KDM4C: variants seen among roughly 807,000 people sequenced by gnomAD.
KDM4C encodes the protein lysine-specific demethylase 4C.
Under a neutral mutation model 129.3 loss-of-function variants are expected in KDM4C, and 81 were observed. The observed-to-expected ratio is 0.63, with a 90% confidence interval of 0.52 to 0.75. The LOEUF (loss-of-function observed/expected upper bound fraction) is 0.75. KDM4C is among the 30% of genes least tolerant of loss of function. The pLI, the probability that KDM4C is intolerant of heterozygous loss-of-function variation, is 0.00. For missense variants in KDM4C, 1,457 were observed against 1,304.0 expected, an observed-to-expected ratio of 1.12 and a Z score of -1.81; for synonymous variants, 573 against 456.1, an observed-to-expected ratio of 1.26 and a Z score of -3.26.
chr9:7,098,680 T>A (rs2133106788), intron 17 of KDM4C, among the ~76,000 whole-genome samples: 1 of 152,334 alleles, frequency 6.6e-6, no homozygotes, highest in East Asian at 1.9e-4. Context: ...AGCCACTCTT[T>A]AGCTGACTAG....
intron 17 of KDM4C, among the ~76,000 whole-genome samples, chr9:7,064,612 G>C (rs759502184): frequency 4.6e-5 from 7 of 152,198 alleles, no homozygotes; most frequent in Non-Finnish European, 1.0e-4. Flanking sequence ...AACGTGCAAG[G>C]CTCCTCAATA....
intron 4 of KDM4C, among the ~76,000 whole-genome samples, chr9:6,846,107 C>T (rs903301516): frequency 4.6e-5 from 7 of 152,160 alleles, no homozygotes; most frequent in South Asian, 4.1e-4. Context: ...AGCAGCTTCA[C>T]GTGTTTGCTG....
At chr9:6,882,915 CA>C (rs1395834065) in intron 6 of KDM4C, among the ~76,000 whole-genome samples, 5 of 151,890 alleles carry the variant, frequency 3.3e-5, no homozygotes, top group African/African-American at 7.3e-5. Context: ...ATCCCTGTGC[CA>C]GGGGGTAGAT....
At chr9:7,101,450 C>T (rs947150257) in intron 17 of KDM4C, among the ~76,000 whole-genome samples, 6 of 152,176 alleles carry the variant, frequency 3.9e-5, no homozygotes, top group Non-Finnish European at 8.8e-5. Context: ...TTATGGGGTT[C>T]TCTGTCTCTG....
intron 15 of KDM4C, among the ~76,000 whole-genome samples, chr9:7,023,823 G>A (rs1376135083): frequency 6.6e-6 from 1 of 152,010 alleles, no homozygotes; most frequent in African/African-American, 2.4e-5. Flanking sequence ...ATTTTGGTGT[G>A]TTGTGTTTCT....
At chr9:6,979,081 A>G (rs1816299214) in intron 8 of KDM4C, among the ~76,000 whole-genome samples, 1 of 152,038 alleles carries the variant, frequency 6.6e-6, no homozygotes, top group Non-Finnish European at 1.5e-5. Flanking sequence ...ACTTTTGTTC[A>G]CTGTTTATTT....
At chr9:6,937,178 G>T (rs567723888) in intron 8 of KDM4C, among the ~76,000 whole-genome samples, 3 of 152,246 alleles carry the variant, frequency 2.0e-5, no homozygotes, top group Admixed American at 2.0e-4. Flanking sequence ...CTCCCGAAGT[G>T]CTAGGATTAC....
intron 8 of KDM4C, among the ~76,000 whole-genome samples, chr9:6,937,197 G>A (rs1381344823): frequency 2.6e-5 from 4 of 152,150 alleles, no homozygotes; most frequent in African/African-American, 9.7e-5. Context: ...ACAGGTGTGA[G>A]CCGCCTCACC....
chr9:6,745,557 A>G lies in KDM4C; in HGVS notation c.49+24560A>G, dbSNP rs564602357. Among the ~76,000 whole-genome samples the G allele has an allele frequency of 3.7e-4, 55 of 147,476 alleles. 1 individual carries two copies. The highest frequency in any genetic ancestry group is 1.3e-3 in the African/African-American group (53 of 39,532). On this transcript the variant is annotated intron_variant, in intron 1 of 17. Coordinates refer to the KDM4C transcript ENST00000536108. Reference sequence around the variant, plus strand: ...AGGAGGTGTGATGGCACCTCTGCGCAAGAGAATGTGGTCCTGTCTCCAAAA... The same window carrying G: ...AGGAGGTGTGATGGCACCTCTGCGCGAGAGAATGTGGTCCTGTCTCCAAAA...
intron 19 of KDM4C, among the ~76,000 whole-genome samples, chr9:7,146,261 A>C (rs1023508736): frequency 1.3e-5 from 2 of 152,240 alleles, no homozygotes; most frequent in Admixed American, 6.5e-5. Context: ...GAGTGTAATC[A>C]TAGGTGATTA....
intron 1 of KDM4C, among the ~76,000 whole-genome samples, chr9:6,742,011 C>T (rs1027491930): frequency 6.1e-5 from 9 of 148,694 alleles, no homozygotes; most frequent in African/African-American, 2.3e-4. Context: ...CTTGCTCTGT[C>T]ACCCAGGCTG....
chr9:7,089,699 C>T (rs1835563655), intron 17 of KDM4C, among the ~76,000 whole-genome samples: 1 of 152,130 alleles, frequency 6.6e-6, no homozygotes, highest in African/African-American at 2.4e-5. Context: ...TCCTTAAAAC[C>T]AAATTTTCCT....
At chr9:7,068,177 A>C (rs1832703571) in intron 17 of KDM4C, among the ~76,000 whole-genome samples, 3 of 152,208 alleles carry the variant, frequency 2.0e-5, no homozygotes, top group Non-Finnish European at 4.4e-5. Context: ...AGGAGTCTTT[A>C]AATAGCATAC....
intron 1 of KDM4C, among the ~76,000 whole-genome samples, chr9:6,777,524 C>T (rs866151218): frequency 6.6e-6 from 1 of 152,216 alleles, no homozygotes; most frequent in Non-Finnish European, 1.5e-5. Flanking sequence ...GAGTGTAGCT[C>T]TTTCAGTAGT....
chr9:6,905,384 C>G (rs909145274), intron 8 of KDM4C, among the ~76,000 whole-genome samples: 1 of 152,062 alleles, frequency 6.6e-6, no homozygotes, highest in Non-Finnish European at 1.5e-5. Flanking sequence ...GTTGATTGTC[C>G]TGAAATGTCT....
At chr9:7,065,448 T>G (rs1021469693) in intron 17 of KDM4C, among the ~76,000 whole-genome samples, 1 of 152,180 alleles carries the variant, frequency 6.6e-6, no homozygotes, top group Non-Finnish European at 1.5e-5. Context: ...ATAATTGAAT[T>G]TAGAAAGTCA....
chr9:7,053,312 T>C (rs1229072838), intron 17 of KDM4C, among the ~76,000 whole-genome samples: 1 of 152,260 alleles, frequency 6.6e-6, no homozygotes, highest in African/African-American at 2.4e-5. Context: ...GCTCCTCTGG[T>C]AAATTATTCG....
At chr9:6,857,235 C>T (rs1657834508) in intron 5 of KDM4C, among the ~76,000 whole-genome samples, 1 of 152,076 alleles carries the variant, frequency 6.6e-6, no homozygotes, top group Non-Finnish European at 1.5e-5. Context: ...GGGTTCGAAA[C>T]CAACCTGGTT....
rs150879999 is a variant in KDM4C at position 6,736,656 on chromosome 9, A to G, written c.49+15659A>G. On this transcript the variant is annotated intron_variant, in intron 1 of 17. Transcript: ENST00000536108. ...AAGTCAGACTATCTCTGTTGTAGAC[A>G]ATGTGATTCTATACCTAAAAAACCC... 4.6e-4 allele frequency among the ~76,000 whole-genome samples: 70 copies of G among 152,260 alleles called. 1 individual carries two copies. The highest frequency in any genetic ancestry group is 1.5e-3 in the African/African-American group (64 of 41,568).
Sources: gnomAD v4.1 joint callset for allele counts (sites outside exome capture counted in the v4.1 genomes callset) on GRCh38, gnomAD v4.1.1 for gene constraint, MANE v1.5 for transcripts, NCBI Gene and HGNC (gene_info 2026-07-23, HGNC 2026-07-21) for gene names.